The following VPS54 variants were observed in gnomAD, a reference collection of about 807,000 sequenced individuals.
The protein encoded by VPS54 is VPS54 subunit of GARP complex.
In VPS54, 45 loss-of-function variants were observed where a neutral mutation model predicts 121.5. The ratio of observed to expected loss-of-function variants is 0.37; its 90% CI spans 0.29 to 0.47. The LOEUF (loss-of-function observed/expected upper bound fraction) is 0.47, where lower values mean the gene tolerates loss of function less well. VPS54 is among the 20% of genes least tolerant of loss of function. The probability of loss-of-function intolerance (pLI) is 0.99; values close to 1 mark genes in which losing one functional copy is unlikely to be tolerated. For synonymous variants in VPS54, 371 were observed against 385.8 expected (o/e 0.96, Z 0.45); for missense variants, 1,090 against 1,131.4 (o/e 0.96, Z 0.52).
chr2:64,003,946 G>A (rs556896177), intron 1 of VPS54, among the ~76,000 whole-genome samples: 4 of 152,148 alleles, frequency 2.6e-5, no homozygotes, highest in Admixed American at 2.6e-4. Flanking sequence ...CTCTTTGAAA[G>A]AATATGTAAC....
intron 1 of VPS54, among the ~76,000 whole-genome samples, chr2:64,004,951 G>T (rs554179277): frequency 1.3e-5 from 2 of 151,604 alleles, no homozygotes; most frequent in Non-Finnish European, 2.9e-5. Flanking sequence ...GCTAATTTTT[G>T]TATTTTTGTA....
chr2:63,991,001 G>C (rs996571921), intron 1 of VPS54, among the ~76,000 whole-genome samples: 1 of 152,120 alleles, frequency 6.6e-6, no homozygotes, highest in Non-Finnish European at 1.5e-5. Context: ...TTTCGTATCT[G>C]GTGGTCACAA....
intron 1 of VPS54, among the ~76,000 whole-genome samples, chr2:63,994,641 A>G (rs868594518): frequency 4.6e-5 from 7 of 152,246 alleles, no homozygotes; most frequent in African/African-American, 1.4e-4. Context: ...GAGATCAGCT[A>G]CAGAGAAACC....
intron 6 of VPS54, among the ~76,000 whole-genome samples, 177 bp downstream of exon 6, chr2:63,965,658 T>A (rs1675959246): frequency 6.6e-6 from 1 of 152,180 alleles, no homozygotes; most frequent in South Asian, 2.1e-4. Context: ...CAACTTGTGT[T>A]CCATTGAACC....
intron 11 of VPS54, among the ~76,000 whole-genome samples, chr2:63,934,733 G>A (rs1479739307): frequency 6.6e-6 from 1 of 152,050 alleles, no homozygotes; most frequent in Non-Finnish European, 1.5e-5. Flanking sequence ...TTTATTCTAG[G>A]TCTCCTTCTA....
In VPS54 at chr2:64,013,464, G is replaced by A. The variant is rs148717832; in HGVS notation, c.-21+5474C>T. Among the ~76,000 whole-genome samples the A allele has an allele frequency of 5.3e-3, 798 of 151,616 alleles. 8 individuals are homozygous for A. Among genetic ancestry groups the A allele is most frequent in the Middle Eastern group, 0.027 (8 of 292 alleles). ...TGAATGAATCCTGCATTTGAGGGGG[G>A]AAAAAGCTATAAAGATTTTTGGGAC... On this transcript the variant is annotated intron_variant, in intron 1 of 22. Transcript: ENST00000272322.
chr2:63,930,423 T>C (rs903996269), intron 12 of VPS54, among the ~76,000 whole-genome samples: 1 of 152,146 alleles, frequency 6.6e-6, no homozygotes, highest in Admixed American at 6.5e-5. Context: ...CACATGATTA[T>C]CTCAATAGAT....
intron 1 of VPS54, among the ~76,000 whole-genome samples, chr2:63,987,633 C>A (rs1053997244): frequency 6.6e-6 from 1 of 152,054 alleles, no homozygotes; most frequent in African/African-American, 2.4e-5. Context: ...GACATTTTAA[C>A]AATATTGATT....
At chr2:63,950,311 G>A (rs762386130) in intron 7 of VPS54, among the ~76,000 whole-genome samples, 16 of 152,118 alleles carry the variant, frequency 1.1e-4, no homozygotes, top group Admixed American at 7.9e-4. Context: ...CCATAGCACT[G>A]ATAATCCTTT....
chr2:63,951,692 T>C (rs928487358), intron 7 of VPS54, among the ~76,000 whole-genome samples: 1 of 152,162 alleles, frequency 6.6e-6, no homozygotes, highest in African/African-American at 2.4e-5. Context: ...AATGATAAAA[T>C]AGACTAGTAC....
chr2:63,976,362 A>AC (rs1168134758), intron 3 of VPS54, among the ~76,000 whole-genome samples: 1 of 151,484 alleles, frequency 6.6e-6, no homozygotes, highest in African/African-American at 2.4e-5. Context: ...AAAAAAAAAA[A>AC]AACAAAAAAC....
intron 10 of VPS54, among the ~76,000 whole-genome samples, chr2:63,943,686 A>G (rs1037228760): frequency 6.6e-6 from 1 of 151,508 alleles, no homozygotes; most frequent in Non-Finnish European, 1.5e-5. Context: ...TCTTCTTAAA[A>G]TAATAGAATA....
chr2:63,892,358 A>C lies in VPS54; in HGVS notation c.*1072T>G, dbSNP rs563585003. On this transcript the variant is annotated 3_prime_UTR_variant, in exon 23 of 23. Transcript: ENST00000272322. ...GTGTGAGGTGAAGCACAGGCACTTT[A>C]TTTGTACAGTGCTGCTGATTCTAAT... The C allele has an allele frequency of 6.6e-6, 1 of 152,292 alleles. No individual in the cohort carries two copies. The highest frequency in any genetic ancestry group is 1.5e-5 in the Non-Finnish European group (1 of 68,018). The allele number at this position is 152,292 out of a possible 1,614,324, so 9.4% of individuals were successfully genotyped here. A position where few individuals can be genotyped will look rare whatever the true frequency, so the allele number is the denominator to read the frequency against.
intron 12 of VPS54, among the ~76,000 whole-genome samples, chr2:63,925,119 C>T (rs1380392632): frequency 6.6e-6 from 1 of 152,128 alleles, no homozygotes; most frequent in African/African-American, 2.4e-5. Context: ...AAAGTCAATA[C>T]AGAAAGTGGG....
At chr2:64,007,869 A>C (rs555844424) in intron 1 of VPS54, among the ~76,000 whole-genome samples, 2 of 152,322 alleles carry the variant, frequency 1.3e-5, no homozygotes, top group African/African-American at 4.8e-5. Flanking sequence ...CAAAGAGATC[A>C]AGGAGATTAC....
At chr2:63,991,511 T>C (rs1236174355) in intron 1 of VPS54, among the ~76,000 whole-genome samples, 1 of 152,222 alleles carries the variant, frequency 6.6e-6, no homozygotes, top group Non-Finnish European at 1.5e-5. Flanking sequence ...ATTCTTTTCT[T>C]GGAGCCTGCT....
intron 1 of VPS54, among the ~76,000 whole-genome samples, chr2:63,996,503 G>A (rs556164262): frequency 1.4e-4 from 21 of 152,258 alleles, no homozygotes; most frequent in African/African-American, 4.6e-4. Context: ...AAAAAGAACA[G>A]GATAACAGCG....
rs931425659 is a variant in VPS54 at position 63,941,974 on chromosome 2, C to T, written c.1398+491G>A. On this transcript the variant is annotated intron_variant, in intron 11 of 22. Transcript: ENST00000272322. ...ACTTGAACCCGGGAGGGAGAAGTTG[C>T]GGTGAGCCAAGATTGCGCCACTGCA... 9.9e-5 allele frequency among the ~76,000 whole-genome samples: 14 copies of T among 141,928 alleles called. No homozygotes were observed. The East Asian group carries it at 1.0e-3, about 10-fold the overall frequency. 93.1% of individuals were successfully genotyped at this position (141,928 alleles called of 152,430 possible). A position where few individuals can be genotyped will look rare whatever the true frequency, so the allele number is the denominator to read the frequency against.
chr2:63,983,774 C>T, intron 2 of VPS54, 90 bp downstream of exon 2: 1 of 1,426,792 alleles, frequency 7.0e-7, no homozygotes, highest in Non-Finnish European at 9.3e-7. Context: ...ATAAAATTTA[C>T]TCTTCTAACG....
Sources: gnomAD v4.1 joint callset for allele counts (sites outside exome capture counted in the v4.1 genomes callset) on GRCh38, gnomAD v4.1.1 for gene constraint, MANE v1.5 for transcripts, NCBI Gene and HGNC (gene_info 2026-07-23, HGNC 2026-07-21) for gene names.